Variants in CAPS2 observed in about 807,000 individuals in gnomAD.
CAPS2 encodes the protein calcyphosine 2, also known as calcyphosin-2.
In CAPS2, 98 loss-of-function variants were observed where a neutral mutation model predicts 86.5. The observed-to-expected ratio is 1.13, with a 90% confidence interval of 0.96 to 1.34. CAPS2 has a LOEUF of 1.34. Among genes scored for constraint, CAPS2 ranks in the 40% most tolerant of loss-of-function variants. The probability of loss-of-function intolerance (pLI) is 0.00; values close to 1 mark genes in which losing one functional copy is unlikely to be tolerated. For missense variants in CAPS2, 729 were observed against 686.8 expected (o/e 1.06, Z -0.69); for synonymous variants, 210 against 225.1 (o/e 0.93, Z 0.60).
At chr12:75,305,879 C>A in intron 7 of CAPS2, 1 of 785,686 alleles carries the variant, frequency 1.3e-6, no homozygotes, top group Non-Finnish European at 2.3e-6. Flanking sequence ...CAGAGGCTGA[C>A]CAGGCTGCAC....
chr12:75,332,774 T>C (rs1438414505), upstream of CAPS2, among the ~76,000 whole-genome samples: 2 of 152,088 alleles, frequency 1.3e-5, no homozygotes, highest in Non-Finnish European at 2.9e-5. Context: ...ACTGTTGTGG[T>C]GAAGGCTACA....
intron 1 of CAPS2, among the ~76,000 whole-genome samples, chr12:75,339,182 T>G (rs900814630): frequency 2.6e-5 from 4 of 152,178 alleles, no homozygotes; most frequent in Non-Finnish European, 4.4e-5. Context: ...TGCCACACTG[T>G]CCTCCACAAT....
At chr12:75,356,504 T>C (rs1378663871) in intron 1 of CAPS2, among the ~76,000 whole-genome samples, 1 of 152,162 alleles carries the variant, frequency 6.6e-6, no homozygotes, top group Non-Finnish European at 1.5e-5. Flanking sequence ...AGATGCACAC[T>C]ATAAATTCTA....
intron 15 of CAPS2, among the ~76,000 whole-genome samples, chr12:75,283,505 G>T (rs994416446): frequency 6.6e-6 from 1 of 151,910 alleles, no homozygotes. Flanking sequence ...AATATGACTG[G>T]TGTCTCCTTA....
intron 14 of CAPS2, among the ~76,000 whole-genome samples, chr12:75,287,537 T>C (rs542079600): frequency 1.3e-5 from 2 of 152,206 alleles, no homozygotes; most frequent in South Asian, 4.1e-4. Context: ...CAGTTATGCA[T>C]GTATCAGTCA....
At chr12:75,322,303 C>A (rs148616492) in intron 4 of CAPS2, among the ~76,000 whole-genome samples, 1 of 152,126 alleles carries the variant, frequency 6.6e-6, no homozygotes, top group African/African-American at 2.4e-5. Flanking sequence ...AAGTGCTATA[C>A]AAATACAAGG....
intron 4 of CAPS2, among the ~76,000 whole-genome samples, chr12:75,321,892 CT>C (rs2040340069): frequency 6.6e-6 from 1 of 152,006 alleles, no homozygotes; most frequent in Admixed American, 6.6e-5. Flanking sequence ...TTAGATAAAG[CT>C]TTTCTTCTGC....
At chr12:75,297,437 A>G (rs1237689586) in intron 11 of CAPS2, among the ~76,000 whole-genome samples, 1 of 152,152 alleles carries the variant, frequency 6.6e-6, no homozygotes, top group Non-Finnish European at 1.5e-5. Flanking sequence ...AAGAATTTTT[A>G]TTCTTCTAAT....
intron 6 of CAPS2, among the ~76,000 whole-genome samples, chr12:75,313,657 G>A (rs1019122366): frequency 2.6e-5 from 4 of 152,048 alleles, no homozygotes; most frequent in African/African-American, 9.7e-5. Flanking sequence ...GTAAATAAAA[G>A]AGGTTAAAAA....
upstream of CAPS2, chr12:75,334,970 C>G: frequency 6.9e-7 from 1 of 1,448,216 alleles, no homozygotes; most frequent in Non-Finnish European, 9.5e-7. Context: ...TGATAAATTT[C>G]ACGGACTTAA....
intron 1 of CAPS2, among the ~76,000 whole-genome samples, chr12:75,341,591 C>T (rs1179628195): frequency 1.3e-5 from 2 of 151,214 alleles, no homozygotes; most frequent in Admixed American, 6.6e-5. Context: ...AGACTACAGG[C>T]GCCCGCCACC....
chr12:75,312,803 G>A (rs1384209728), intron 7 of CAPS2, 45 bp downstream of exon 7: 1 of 1,130,534 alleles, frequency 8.8e-7, no homozygotes, highest in Non-Finnish European at 1.3e-6. Context: ...TAAATTTAAT[G>A]AAAACTTTCT....
chr12:75,319,594 A>G (rs1178784469), intron 5 of CAPS2, among the ~76,000 whole-genome samples: 1 of 152,184 alleles, frequency 6.6e-6, no homozygotes, highest in Non-Finnish European at 1.5e-5. Context: ...ATTTCTTTAT[A>G]GCAACACAAA....
intron 1 of CAPS2, chr12:75,347,591 T>C (rs200355722): frequency 2.8e-6 from 4 of 1,406,656 alleles, no homozygotes; most frequent in Non-Finnish European, 4.0e-6. Context: ...TTGTTTTCCA[T>C]ATTTTATCTT....
upstream of CAPS2, among the ~76,000 whole-genome samples, chr12:75,327,822 ATATT>A (rs1230070876): frequency 6.7e-6 from 1 of 149,004 alleles, no homozygotes. Flanking sequence ...AAAATTAAGT[ATATT>A]TATTAAAATT....
chr12:75,335,455 T>G (rs1018216052), intron 1 of CAPS2, among the ~76,000 whole-genome samples: 1 of 152,218 alleles, frequency 6.6e-6, no homozygotes, highest in African/African-American at 2.4e-5. Context: ...AATACTTGAC[T>G]ATGAATTGTA....
At chr12:75,321,803 C>T (rs1205890869) in intron 4 of CAPS2, among the ~76,000 whole-genome samples, 1 of 152,036 alleles carries the variant, frequency 6.6e-6, no homozygotes, top group Non-Finnish European at 1.5e-5. Context: ...CCTTAAATAC[C>T]AGTAAGCTTA....
At chr12:75,353,896 G>T (rs1055256498) in intron 1 of CAPS2, among the ~76,000 whole-genome samples, 3 of 152,092 alleles carry the variant, frequency 2.0e-5, no homozygotes, top group African/African-American at 7.2e-5. Flanking sequence ...AAAACCATAT[G>T]ATTATCTCAA....
At chr12:75,316,903 T>C (rs2039829092) in intron 5 of CAPS2, among the ~76,000 whole-genome samples, 1 of 152,140 alleles carries the variant, frequency 6.6e-6, no homozygotes, top group South Asian at 2.1e-4. Flanking sequence ...TTCTTTGGGA[T>C]GCTAAAGAGA....
Sources: gnomAD v4.1 joint callset for allele counts (sites outside exome capture counted in the v4.1 genomes callset) on GRCh38, gnomAD v4.1.1 for gene constraint, MANE v1.5 for transcripts, NCBI Gene and HGNC (gene_info 2026-07-23, HGNC 2026-07-21) for gene names.